The following KCNAB1 variants were observed in gnomAD, a reference collection of about 807,000 sequenced individuals.
The protein encoded by KCNAB1 is voltage-gated potassium channel subunit beta-1.
KCNAB1 carries 35 observed loss-of-function variants against 64.6 expected under a neutral mutation model. The ratio of observed to expected loss-of-function variants is 0.54; its 90% CI spans 0.41 to 0.72. The LOEUF (loss-of-function observed/expected upper bound fraction) is 0.72. KCNAB1 is among the 30% of genes least tolerant of loss of function. The pLI is 0.00. For missense variants in KCNAB1, 401 were observed against 512.9 expected (o/e 0.78, Z 2.11); for synonymous variants, 177 against 183.8 (o/e 0.96, Z 0.30).
At chr3:156,297,799 T>C (rs978021627) in intron 1 of KCNAB1, among the ~76,000 whole-genome samples, 2 of 151,988 alleles carry the variant, frequency 1.3e-5, no homozygotes, top group Non-Finnish European at 2.9e-5. Flanking sequence ...TGCGTGTGTG[T>C]GTGCATGCAA....
intron 1 of KCNAB1, among the ~76,000 whole-genome samples, chr3:156,387,184 G>A (rs372568914): frequency 1.3e-5 from 2 of 152,222 alleles, no homozygotes; most frequent in South Asian, 2.1e-4. Flanking sequence ...TCAAAAGGGT[G>A]TGGAGCGGGG....
chr3:156,398,890 G>A (rs898640001), intron 1 of KCNAB1, among the ~76,000 whole-genome samples: 4 of 152,168 alleles, frequency 2.6e-5, no homozygotes, highest in Non-Finnish European at 5.9e-5. Flanking sequence ...CCCTAGCACT[G>A]AGGAACAGGC....
intron 8 of KCNAB1, among the ~76,000 whole-genome samples, chr3:156,488,022 A>G (rs774176634): frequency 1.3e-5 from 2 of 152,170 alleles, no homozygotes. Flanking sequence ...AATGCATTTT[A>G]AATGTCACCA....
At chr3:156,378,927 T>C (rs910051128) in intron 1 of KCNAB1, among the ~76,000 whole-genome samples, 1 of 152,198 alleles carries the variant, frequency 6.6e-6, no homozygotes, top group Non-Finnish European at 1.5e-5. Flanking sequence ...TGCCTCAAGC[T>C]GGCATGGGAA....
chr3:156,223,942 C>A (rs947377078), intron 1 of KCNAB1, among the ~76,000 whole-genome samples: 3 of 152,232 alleles, frequency 2.0e-5, no homozygotes, highest in African/African-American at 7.2e-5. Flanking sequence ...TTGATGGGAC[C>A]GGGCTCCGTG....
intron 1 of KCNAB1, among the ~76,000 whole-genome samples, chr3:156,299,347 T>C (rs771862018): frequency 5.3e-5 from 8 of 152,226 alleles, no homozygotes; most frequent in Non-Finnish European, 8.8e-5. Flanking sequence ...TTTCTCCATC[T>C]CCTGTAGAGC....
Position 156,209,414 on chromosome 3 carries a change from C to T in KCNAB1, c.275+88528C>T, listed in dbSNP as rs149499308. On this transcript the variant is annotated intron_variant, in intron 1 of 13. Transcript: ENST00000490337. ...GGAAAAGGTCATGAAAGGGCTCCTGCCTATGTACAATGCTTACCTTAATTA... is the reference window on the plus strand; with the variant it reads ...GGAAAAGGTCATGAAAGGGCTCCTGTCTATGTACAATGCTTACCTTAATTA... Among the ~76,000 whole-genome samples the T allele has an allele frequency of 2.8e-3, 423 of 152,290 alleles. 3 individuals are homozygous for T. Among genetic ancestry groups the T allele is most frequent in the African/African-American group, 9.4e-3 (391 of 41,560 alleles).
chr3:156,301,682 C>T (rs1191579720), intron 1 of KCNAB1, among the ~76,000 whole-genome samples: 3 of 152,194 alleles, frequency 2.0e-5, no homozygotes, highest in Non-Finnish European at 4.4e-5. Flanking sequence ...AATACAGTTT[C>T]TCCAGAAGTG....
intron 1 of KCNAB1, among the ~76,000 whole-genome samples, chr3:156,300,701 T>G (rs993386643): frequency 1.3e-5 from 2 of 152,298 alleles, no homozygotes; most frequent in Admixed American, 1.3e-4. Flanking sequence ...AACCTATTTA[T>G]TAGAGTAATG....
At position 156,250,515 on chromosome 3, in the gene KCNAB1, C is replaced by T. The variant is rs17307030; in HGVS notation, c.275+129629C>T. On this transcript the variant is annotated intron_variant, in intron 1 of 13. Coordinates refer to ENST00000490337, the MANE Select transcript of KCNAB1 (RefSeq NM_172160.3). ...ATTCAGCAAGCTTTTTGTGCACCCACTCCAAAAAATGTGATGTCCCCAAAT... is the reference window on the plus strand; with the variant it reads ...ATTCAGCAAGCTTTTTGTGCACCCATTCCAAAAAATGTGATGTCCCCAAAT... Among the ~76,000 whole-genome samples, 860 of 152,262 alleles carry T rather than the reference C, an allele frequency of 5.6e-3. 9 individuals are homozygous for T. The highest frequency in any genetic ancestry group is 0.016 in the South Asian group (78 of 4,828).
chr3:156,448,498 G>T (rs1206210209), intron 2 of KCNAB1, among the ~76,000 whole-genome samples: 3 of 152,164 alleles, frequency 2.0e-5, no homozygotes, highest in East Asian at 3.9e-4. Flanking sequence ...GATGTGTCCT[G>T]TCTGTGAGAG....
At chr3:156,224,674 C>T (rs1716035827) in intron 1 of KCNAB1, among the ~76,000 whole-genome samples, 1 of 151,934 alleles carries the variant, frequency 6.6e-6, no homozygotes, top group South Asian at 2.1e-4. Context: ...AATTGATAGA[C>T]CATTAGAGAG....
chr3:156,539,079 T>C (rs952229154), downstream of KCNAB1: 25 of 152,212 alleles, frequency 1.6e-4, no homozygotes, highest in African/African-American at 5.8e-4. Flanking sequence ...TCTTATTATT[T>C]TCTTTTCTCT....
chr3:156,325,701 C>A (rs924136580), intron 1 of KCNAB1, among the ~76,000 whole-genome samples: 54 of 151,868 alleles, frequency 3.6e-4, no homozygotes, highest in African/African-American at 1.3e-3. Context: ...ACCTGTAATC[C>A]CATCTCTTAG....
chr3:156,424,360 T>A (rs1715677991), intron 2 of KCNAB1, among the ~76,000 whole-genome samples: 1 of 152,142 alleles, frequency 6.6e-6, no homozygotes, highest in Non-Finnish European at 1.5e-5. Context: ...TTCCTAATAA[T>A]CTGACTTGGG....
intron 1 of KCNAB1, among the ~76,000 whole-genome samples, chr3:156,134,035 G>A (rs1714152325): frequency 1.3e-5 from 2 of 152,176 alleles, no homozygotes; most frequent in South Asian, 4.1e-4. Context: ...GACATTGTCA[G>A]AGAATGAAAA....
chr3:156,355,154 G>A lies in KCNAB1; in HGVS notation c.276-66462G>A, dbSNP rs1380953173. On this transcript the variant is annotated intron_variant, in intron 1 of 13. Transcript: ENST00000490337. ...ATGTGTCACACAAATGGATCCTGCAGTGTAATTTGTTTAAGATTTTTTAAA... is the reference window on the plus strand; with the variant it reads ...ATGTGTCACACAAATGGATCCTGCAATGTAATTTGTTTAAGATTTTTTAAA... 3.9e-5 allele frequency among the ~76,000 whole-genome samples: 6 copies of A among 152,164 alleles called. No homozygotes were observed. The East Asian group carries it at 9.6e-4, about 24-fold the overall frequency.
chr3:156,205,838 T>C (rs554803645), intron 1 of KCNAB1, among the ~76,000 whole-genome samples: 1 of 152,350 alleles, frequency 6.6e-6, no homozygotes, highest in Non-Finnish European at 1.5e-5. Flanking sequence ...CTGAAATCTT[T>C]ACCATTGCAA....
At chr3:156,401,282 C>T (rs920701155) in intron 1 of KCNAB1, among the ~76,000 whole-genome samples, 12 of 152,334 alleles carry the variant, frequency 7.9e-5, no homozygotes, top group Non-Finnish European at 4.4e-5. Context: ...TTTATACATA[C>T]GTGTATGTGC....
Sources: allele counts gnomAD v4.1 joint callset (sites outside exome capture counted in the v4.1 genomes callset), GRCh38; gene constraint gnomAD v4.1.1; transcripts MANE v1.5; gene names NCBI Gene and HGNC (gene_info 2026-07-23, HGNC 2026-07-21).